BICDL1: variants seen among roughly 807,000 people sequenced by gnomAD.
BICDL1 encodes BICD family like cargo adaptor 1.
A neutral mutation model predicts 76.8 loss-of-function variants in BICDL1; 20 were observed. That is an observed-to-expected ratio of 0.26 (90% confidence interval 0.18 to 0.38). The LOEUF (loss-of-function observed/expected upper bound fraction) is 0.38. Among genes scored for constraint, BICDL1 ranks in the 10% least tolerant of loss-of-function variants. BICDL1 has a pLI of 1.00. For synonymous variants in BICDL1, 383 were observed against 337.1 expected, an observed-to-expected ratio of 1.14 and a Z score of -1.49; for missense variants, 700 against 798.6, an observed-to-expected ratio of 0.88 and a Z score of 1.49.
In BICDL1 at chr12:120,074,567, T is replaced by G. The variant is rs1326691506; in HGVS notation, c.1433T>G (p.Leu478Arg). 1 of 1,247,046 alleles carries G rather than the reference T, an allele frequency of 8.0e-7. No individual in the cohort carries two copies. The highest frequency in any genetic ancestry group is 1.6e-5 in the African/African-American group (1 of 64,052). 77.2% of individuals were successfully genotyped at this position (1,247,046 alleles called of 1,614,324 possible). ...RGKLRQSLEE[L>R]QRLHSQVTLL... ...AAACTGAGGCAAAGCCTAGAAGAGC[T>G]GCAGCGACTCCACAGTCAGGTGAGC... is the stretch of plus-strand genomic sequence containing the variant. Residue 478 changes from leucine (L) to arginine (R), a missense_variant, in exon 7 of 10, where the codon CTG (leucine) becomes CGG (arginine). Coordinates refer to ENST00000548673, the MANE Select transcript of BICDL1 (RefSeq NM_001367886.1).
chr12:120,086,351 A>G (rs1488586212), intron 8 of BICDL1, among the ~76,000 whole-genome samples: 1 of 152,250 alleles, frequency 6.6e-6, no homozygotes, highest in African/African-American at 2.4e-5. Flanking sequence ...CCCCATTTGT[A>G]TAGTAACTTA....
intron 2 of BICDL1, among the ~76,000 whole-genome samples, chr12:120,004,203 T>A (rs911712686): frequency 6.6e-6 from 1 of 152,332 alleles, no homozygotes; most frequent in Non-Finnish European, 1.5e-5. Context: ...GCTATATTCT[T>A]TTTGCATTTG....
intron 2 of BICDL1, among the ~76,000 whole-genome samples, chr12:120,015,642 C>T (rs1413962884): frequency 6.6e-6 from 1 of 152,190 alleles, no homozygotes; most frequent in Non-Finnish European, 1.5e-5. Flanking sequence ...CTGGAAACTT[C>T]GTATGTGTTA....
At chr12:120,080,848 A>G in intron 7 of BICDL1, 39 bp from the exon 8 acceptor site, 1 of 1,603,708 alleles carries the variant, frequency 6.2e-7, no homozygotes, top group African/African-American at 1.3e-5. Context: ...AAAACCACCC[A>G]GGACAGCAGC....
Position 120,087,433 on chromosome 12 carries a change from C to A in BICDL1, c.1584-2518C>A, listed in dbSNP as rs375902636. The stretch of plus-strand genomic sequence containing the variant: ...GAAGAAGTGCTGGTCGCAGCAGTGG[C>A]CTGAGCACTTTGCAAGTGGGATCCA... On this transcript the variant is annotated intron_variant, in intron 8 of 9. Transcript: ENST00000548673. Among the ~76,000 whole-genome samples, 5 of 152,354 alleles carry A rather than the reference C, an allele frequency of 3.3e-5. No homozygotes were observed. In the East Asian group the frequency reaches 5.8e-4, roughly 18 times the overall value.
intron 7 of BICDL1, among the ~76,000 whole-genome samples, chr12:120,080,060 C>G (rs1476337643): frequency 2.6e-5 from 4 of 152,234 alleles, no homozygotes; most frequent in Non-Finnish European, 4.4e-5. Flanking sequence ...TGACAATTGT[C>G]TACTGCTTTG....
intron 3 of BICDL1, among the ~76,000 whole-genome samples, chr12:120,064,401 G>A (rs1384953354): frequency 2.0e-5 from 3 of 152,044 alleles, no homozygotes; most frequent in African/African-American, 7.2e-5. Context: ...TAAGGATGGG[G>A]TAAAGTTGAG....
chr12:120,091,319 G>A (rs1239456532), intron 9 of BICDL1: 2 of 1,059,642 alleles, frequency 1.9e-6, no homozygotes, highest in Non-Finnish European at 2.3e-6. Flanking sequence ...AACTCTAAAG[G>A]GCGACCTGGA....
At chr12:120,003,039 C>T (rs1281148256) in intron 2 of BICDL1, among the ~76,000 whole-genome samples, 2 of 152,154 alleles carry the variant, frequency 1.3e-5, no homozygotes, top group Non-Finnish European at 2.9e-5. Context: ...AGCCTGTAAT[C>T]TCCAGCTACC....
chr12:120,068,137 C>G (rs1872789773), intron 4 of BICDL1, among the ~76,000 whole-genome samples: 2 of 152,362 alleles, frequency 1.3e-5, no homozygotes, highest in East Asian at 3.9e-4. Context: ...CTATAGAGCT[C>G]CAAGTGGCTG....
At chr12:120,017,742 G>A (rs77349288) in intron 2 of BICDL1, among the ~76,000 whole-genome samples, 8,394 of 151,808 alleles carry the variant, frequency 0.055, 455 homozygotes, top group African/African-American at 0.14. Context: ...AAAAAAAAAA[G>A]AAAATGTGTC....
rs376828634 is a variant in BICDL1 at position 120,072,594 on chromosome 12, C to T, written c.1173C>T (p.Ala391=). The T allele has an allele frequency of 6.2e-6, 10 of 1,614,092 alleles. No individual in the cohort carries two copies. Among genetic ancestry groups the T allele is most frequent in the South Asian group, 4.4e-5 (4 of 91,088 alleles). ...HLRGNDSADS[A]VSTDSSMDES... The stretch of plus-strand genomic sequence containing the variant: ...GAGGCAATGACAGTGCTGACTCAGC[C>T]GTCTCCACGGACTCCTCCATGGACG... The change falls in exon 6 of 10, where the codon GCC becomes GCT. Residue 391 remains alanine, a synonymous_variant. Coordinates refer to ENST00000548673, the MANE Select transcript of BICDL1 (RefSeq NM_001367886.1).
At position 119,998,664 on chromosome 12, in the gene BICDL1, A is replaced by T; in HGVS notation, c.573A>T (p.Ala191=). 6.2e-7 allele frequency: 1 copy of T among 1,614,214 alleles called. No individual in the cohort carries two copies. The highest frequency in any genetic ancestry group is 1.1e-5 in the South Asian group (1 of 91,086). The change falls in exon 2 of 10, where the codon GCA becomes GCT. Residue 191 remains alanine (A), a synonymous_variant. Transcript: ENST00000548673. ...GGCAGCAGATTCATCTGCGGGAAGC[A>T]GATCGAGAAAAATCACGGGCTGTCC... ...LERQQIHLRE[A]DREKSRAVQE...
intron 2 of BICDL1, among the ~76,000 whole-genome samples, chr12:120,036,755 A>C (rs868136127): frequency 8.5e-5 from 13 of 152,334 alleles, no homozygotes; most frequent in Middle Eastern, 6.8e-3. Context: ...ATGCGCCTGT[A>C]GTCCCAGCTA....
Position 120,085,191 on chromosome 12 carries a change from A to G in BICDL1, c.1583+4174A>G, listed in dbSNP as rs184405448. Among the ~76,000 whole-genome samples, 435 of 152,256 alleles carry G rather than the reference A, an allele frequency of 2.9e-3. 1 individual carries two copies. Among genetic ancestry groups the G allele is most frequent in the African/African-American group, 9.6e-3 (399 of 41,540 alleles). On this transcript the variant is annotated intron_variant, in intron 8 of 9. Transcript: ENST00000548673. Reference sequence around the variant, plus strand: ...TGGGGTGCAGCGGCTCAGGCCTGCAATCCCAGCGCTTTGGGAGGCTGAGGC... The same window carrying G: ...TGGGGTGCAGCGGCTCAGGCCTGCAGTCCCAGCGCTTTGGGAGGCTGAGGC...
Position 120,093,278 on chromosome 12 carries a change from G to T in BICDL1, c.*117G>T. On this transcript the variant is annotated 3_prime_UTR_variant, in exon 10 of 10. Transcript: ENST00000548673. ...CAGCTGCCCTGCCCCTCATGCTAGG[G>T]CCCCATGGGTCCGGGAGGGCCTGCT... 8.1e-7 allele frequency: 1 copy of T among 1,237,532 alleles called. No homozygotes were observed. Among genetic ancestry groups the T allele is most frequent in the Non-Finnish European group, 1.1e-6 (1 of 879,894 alleles). 76.7% of individuals were successfully genotyped at this position (1,237,532 alleles called of 1,614,324 possible). A position where few individuals can be genotyped will look rare whatever the true frequency, so the allele number is the denominator to read the frequency against.
At chr12:120,038,449 A>T (rs1379567983) in intron 2 of BICDL1, among the ~76,000 whole-genome samples, 2 of 149,868 alleles carry the variant, frequency 1.3e-5, no homozygotes, top group Admixed American at 1.3e-4. Flanking sequence ...AAGTGTTTGT[A>T]TTTTTTTTTT....
intron 2 of BICDL1, among the ~76,000 whole-genome samples, chr12:120,023,767 G>C (rs937834309): frequency 2.0e-5 from 3 of 151,216 alleles, no homozygotes; most frequent in African/African-American, 7.3e-5. Flanking sequence ...TCCAGCCTGG[G>C]TGACAGAGTA....
In BICDL1 at chr12:120,011,972, C is replaced by A. The variant is rs547863539; in HGVS notation, c.645+13236C>A. Among the ~76,000 whole-genome samples, 20 of 152,278 alleles carry A rather than the reference C, an allele frequency of 1.3e-4. No individual in the cohort carries two copies. The South Asian group carries it at 4.1e-3, about 32-fold the overall frequency. ...CGGAGATTGAACGAGATGATTCCTT[C>A]GCTCTCTAAATGTCCACATGTACGT... On this transcript the variant is annotated intron_variant, in intron 2 of 9. Coordinates refer to ENST00000548673, the MANE Select transcript of BICDL1 (RefSeq NM_001367886.1).
Sources: allele counts gnomAD v4.1 joint callset (sites outside exome capture counted in the v4.1 genomes callset), GRCh38; gene constraint gnomAD v4.1.1; transcripts MANE v1.5; gene names NCBI Gene and HGNC (gene_info 2026-07-23, HGNC 2026-07-21).